Variants in UST observed in about 807,000 individuals in gnomAD.
UST encodes uronyl 2-sulfotransferase, also known as chondroitin sulfate 2-O-sulfotransferase.
A neutral mutation model predicts 45.6 loss-of-function variants in UST; 21 were observed. The observed-to-expected ratio is 0.46, with a 90% CI of 0.33 to 0.66. The LOEUF is 0.66. Ranked by LOEUF, UST falls within the 30% of genes least tolerant of loss-of-function variation. UST has a pLI of 0.02. For missense variants in UST, 463 were observed against 512.4 expected (o/e 0.90, Z 0.93); for synonymous variants, 215 against 200.6 (o/e 1.07, Z -0.61).
chr6:148,907,119 T>C (rs1354616863), intron 2 of UST, among the ~76,000 whole-genome samples: 2 of 152,164 alleles, frequency 1.3e-5, no homozygotes, highest in Admixed American at 1.3e-4. Flanking sequence ...CAACAAATAA[T>C]GTGAGAGAAA....
intron 1 of UST, among the ~76,000 whole-genome samples, chr6:148,769,342 T>C (rs1247120049): frequency 6.6e-6 from 1 of 152,258 alleles, no homozygotes; most frequent in African/African-American, 2.4e-5. Context: ...GATGGACCAG[T>C]AGAGGTATAT....
intron 5 of UST, among the ~76,000 whole-genome samples, chr6:149,009,895 A>G (rs953624427): frequency 6.6e-6 from 1 of 151,928 alleles, no homozygotes; most frequent in Non-Finnish European, 1.5e-5. Context: ...ATATACATCA[A>G]ATAAGATTTT....
intron 1 of UST, among the ~76,000 whole-genome samples, chr6:148,842,326 G>A (rs1777906292): frequency 6.6e-6 from 1 of 152,190 alleles, no homozygotes; most frequent in Non-Finnish European, 1.5e-5. Context: ...TCTCATCTGT[G>A]TTTTGAGGGA....
In UST at chr6:148,934,169, C is replaced by A. The variant is rs1322584644; in HGVS notation, c.292-7110C>A. Among the ~76,000 whole-genome samples the A allele has an allele frequency of 6.6e-6, 1 of 152,182 alleles. No homozygotes were observed. On this transcript the variant is annotated intron_variant, in intron 2 of 7. Transcript: ENST00000367463. This position sits in a 1 kb window ranked among gnomAD's most constrained non-coding sequence, Gnocchi z 4.1. ...ACTGGGGCTCAAGGGTGTGAAGTGACTGGCTTCTAGCACCACAGTGTCCTA... is the reference window on the plus strand; with the variant it reads ...ACTGGGGCTCAAGGGTGTGAAGTGAATGGCTTCTAGCACCACAGTGTCCTA...
At chr6:148,938,622 T>A (rs1780063120) in intron 2 of UST, among the ~76,000 whole-genome samples, 1 of 152,118 alleles carries the variant, frequency 6.6e-6, no homozygotes, top group African/African-American at 2.4e-5. Flanking sequence ...TGACCTTCTG[T>A]TATGAGTATG....
chr6:148,976,148 C>A (rs187864340), intron 5 of UST, among the ~76,000 whole-genome samples: 36 of 152,248 alleles, frequency 2.4e-4, no homozygotes, highest in African/African-American at 7.7e-4. Flanking sequence ...AAATGCTCAG[C>A]CTCATCTATA....
rs1198524537 is a variant in UST at position 148,790,620 on chromosome 6, T to G, written c.247+42943T>G. Among the ~76,000 whole-genome samples the G allele has an allele frequency of 6.6e-6, 1 of 152,210 alleles. No individual in the cohort carries two copies. Among genetic ancestry groups the G allele is most frequent in the Non-Finnish European group, 1.5e-5 (1 of 68,038 alleles). On this transcript the variant is annotated intron_variant, in intron 1 of 7. Coordinates refer to ENST00000367463, the MANE Select transcript of UST (RefSeq NM_005715.3). The surrounding 1 kb of genome is among the most constrained non-coding windows in gnomAD (Gnocchi z 4.2). ...CACTCAGGCTGCCAGCTTCTGAGCA[T>G]GGCTACCGATGTGTCATGGCTGGGT... is the stretch of plus-strand genomic sequence containing the variant.
intron 2 of UST, among the ~76,000 whole-genome samples, chr6:148,913,214 TC>T (rs1779511152): frequency 6.6e-6 from 1 of 151,918 alleles, no homozygotes; most frequent in Non-Finnish European, 1.5e-5. Flanking sequence ...GCAAGGAAAA[TC>T]CCGTCCCTGG....
intron 1 of UST, among the ~76,000 whole-genome samples, chr6:148,846,396 A>G (rs926365260): frequency 6.6e-6 from 1 of 152,050 alleles, no homozygotes; most frequent in African/African-American, 2.4e-5. Flanking sequence ...GAATTGAACA[A>G]TGAGAACACA....
At chr6:148,970,340 T>C (rs890577528) in intron 5 of UST, among the ~76,000 whole-genome samples, 30 of 152,192 alleles carry the variant, frequency 2.0e-4, no homozygotes, top group Non-Finnish European at 3.8e-4. Flanking sequence ...CAGGTTAGCA[T>C]GCTTTGCCTC....
At chr6:148,933,709 T>G (rs1202257910) in intron 2 of UST, among the ~76,000 whole-genome samples, 4 of 152,174 alleles carry the variant, frequency 2.6e-5, no homozygotes, top group Non-Finnish European at 5.9e-5. Context: ...GTGGCTCAGA[T>G]GGTTTGATGG....
intron 2 of UST, among the ~76,000 whole-genome samples, chr6:148,916,155 C>G (rs1562298618): frequency 1.3e-5 from 2 of 152,242 alleles, no homozygotes; most frequent in Middle Eastern, 3.4e-3. Context: ...GTACTTACTG[C>G]GTGCCACACA....
rs1279709531 is a variant in UST at position 148,748,307 on chromosome 6, G to A, written c.247+630G>A. 6.6e-6 allele frequency among the ~76,000 whole-genome samples: 1 copy of A among 152,128 alleles called. No individual in the cohort carries two copies. The highest frequency in any genetic ancestry group is 2.4e-5 in the African/African-American group (1 of 41,426). On this transcript the variant is annotated intron_variant, in intron 1 of 7. Coordinates refer to ENST00000367463, the MANE Select transcript of UST (RefSeq NM_005715.3). The surrounding 1 kb of genome is among the most constrained non-coding windows in gnomAD (Gnocchi z 5.3). ...GGGTTGCATCCAGGGGTTTGGGGAT[G>A]CCCGAGGGCGCTGGTCAGCCTGGCC...
intron 4 of UST, chr6:148,955,572 C>T (rs1351216848): frequency 2.6e-5 from 4 of 152,214 alleles, no homozygotes; most frequent in African/African-American, 7.2e-5. Flanking sequence ...TGGCTTGTTA[C>T]TGGATTATCC....
chr6:148,937,326 C>T (rs1212325112), intron 2 of UST, among the ~76,000 whole-genome samples: 1 of 152,096 alleles, frequency 6.6e-6, no homozygotes, highest in African/African-American at 2.4e-5. Context: ...GGATGTTAAG[C>T]CCTCCTTTAT....
intron 1 of UST, among the ~76,000 whole-genome samples, chr6:148,883,282 G>T (rs78389705): frequency 0.029 from 4,418 of 152,328 alleles, 109 homozygotes; most frequent in Non-Finnish European, 0.042. Context: ...ATACCAGGTG[G>T]AAGGTAGTGA....
At chr6:148,978,323 A>T (rs1002979118) in intron 5 of UST, among the ~76,000 whole-genome samples, 1 of 152,218 alleles carries the variant, frequency 6.6e-6, no homozygotes, top group South Asian at 2.1e-4. Flanking sequence ...TACATCACAT[A>T]CATTTTATAG....
At chr6:148,966,586 C>A (rs1780804909) in intron 5 of UST, among the ~76,000 whole-genome samples, 1 of 152,246 alleles carries the variant, frequency 6.6e-6, no homozygotes, top group South Asian at 2.1e-4. Context: ...GCTCTAGCTT[C>A]TTCCGTTCTG....
At chr6:148,926,228 T>C (rs965350857) in intron 2 of UST, among the ~76,000 whole-genome samples, 2 of 152,238 alleles carry the variant, frequency 1.3e-5, no homozygotes, top group African/African-American at 2.4e-5. Context: ...TCAAAAGGAA[T>C]GATATGAGAC....
Sources: gnomAD v4.1 joint callset for allele counts (sites outside exome capture counted in the v4.1 genomes callset) on GRCh38, gnomAD v4.1.1 for gene constraint, Gnocchi (gnomAD v3.1) non-coding constraint, MANE v1.5 for transcripts, NCBI Gene and HGNC (gene_info 2026-07-23, HGNC 2026-07-21) for gene names.